Variants in PCDHGA6 observed in about 807,000 individuals in gnomAD.
PCDHGA6 encodes protocadherin gamma-A6.
PCDHGA6 carries 41 observed loss-of-function variants against 60.6 expected under a neutral mutation model. The ratio of observed to expected loss-of-function variants is 0.68; its 90% CI spans 0.53 to 0.88. PCDHGA6 has a LOEUF of 0.88. PCDHGA6 is among the 40% of genes least tolerant of loss of function. The probability of loss-of-function intolerance (pLI) is 0.00; values close to 1 mark genes in which losing one functional copy is unlikely to be tolerated. For missense variants in PCDHGA6, 1,312 were observed against 1,203.0 expected, an observed-to-expected ratio of 1.09 and a Z score of -1.34; for synonymous variants, 594 against 524.4, an observed-to-expected ratio of 1.13 and a Z score of -1.81.
At chr5:141,503,023 A>AAT (rs2099817696) in intron 2 of PCDHGA6, among the ~76,000 whole-genome samples, 1 of 141,888 alleles carries the variant, frequency 7.0e-6, no homozygotes, top group African/African-American at 2.6e-5. Context: ...TTTTTTTTTT[A>AAT]ATATCTATTT....
intron 1 of PCDHGA6, among the ~76,000 whole-genome samples, chr5:141,465,335 T>C (rs1222292569): frequency 6.6e-6 from 1 of 152,186 alleles, no homozygotes; most frequent in African/African-American, 2.4e-5. Context: ...ATTTTTTATA[T>C]TGGTTACTGA....
chr5:141,398,732 G>A (rs747131946), intron 1 of PCDHGA6: 4 of 1,613,778 alleles, frequency 2.5e-6, no homozygotes, highest in Admixed American at 1.7e-5. Flanking sequence ...ACCTTAGACC[G>A]GGAACAACAG....
intron 1 of PCDHGA6, chr5:141,413,826 C>G (rs1363449): frequency 6.2e-7 from 1 of 1,613,180 alleles, no homozygotes; most frequent in Non-Finnish European, 8.5e-7. Flanking sequence ...TGGTCCTCAC[C>G]GCCTCCGACG....
chr5:141,393,815 C>T (rs2092850609), intron 1 of PCDHGA6: 1 of 1,613,922 alleles, frequency 6.2e-7, no homozygotes, highest in Non-Finnish European at 8.5e-7. Context: ...CCAAATTGCT[C>T]ATTTCGGTGG....
At chr5:141,397,027 G>A (rs1374788251) in intron 1 of PCDHGA6, among the ~76,000 whole-genome samples, 1 of 152,200 alleles carries the variant, frequency 6.6e-6, no homozygotes, top group Non-Finnish European at 1.5e-5. Flanking sequence ...GTTGACCAAT[G>A]TCCACAAATT....
chr5:141,439,131 T>A (rs2098090046), intron 1 of PCDHGA6, among the ~76,000 whole-genome samples: 1 of 150,502 alleles, frequency 6.6e-6, no homozygotes, highest in Non-Finnish European at 1.5e-5. Flanking sequence ...AGACAGAGGT[T>A]GCAGTGAGCT....
At chr5:141,495,269 CGGAGGAGGCG>C (rs2099759953) in intron 2 of PCDHGA6, among the ~76,000 whole-genome samples, 1 of 152,180 alleles carries the variant, frequency 6.6e-6, no homozygotes, top group Non-Finnish European at 1.5e-5. Context: ...AGCATTTGAC[CGGAGGAGGCG>C]GTCCGCACTC....
chr5:141,438,288 G>C (rs752722248), intron 1 of PCDHGA6, among the ~76,000 whole-genome samples: 18 of 151,902 alleles, frequency 1.2e-4, no homozygotes, highest in Non-Finnish European at 2.1e-4. Flanking sequence ...AATTTAATCT[G>C]TATGTAAAAG....
chr5:141,384,705 C>T lies in PCDHGA6; in HGVS notation c.2424+8198C>T, dbSNP rs761874903. ...TGGACAAAGATTCAGGCCAGAACGC[C>T]TGGCTGTCATACCTCCTGCTTAAGG... On this transcript the variant is annotated intron_variant, in intron 1 of 3. Coordinates refer to ENST00000517434, the MANE Select transcript of PCDHGA6 (RefSeq NM_018919.3). 19 of 1,614,140 alleles carry T rather than the reference C, an allele frequency of 1.2e-5. No individual in the cohort carries two copies. The South Asian group carries it at 1.8e-4, about 15-fold the overall frequency.
rs571977774 is a variant in PCDHGA6 at position 141,375,523 on chromosome 5, C to G, written c.1440C>G (p.Asp480Glu). ...TCTCTGTGAATGCACTGGACCCTGA[C>G]GTGGACCAGAACGCCCAAGTCTCCT... ...SIFSVNALDP[D>E]VDQNAQVSYS... The change falls in exon 1 of 4, where the codon GAC (aspartate) becomes GAG (glutamate). Residue 480 changes from aspartate (D) to glutamate (E), a missense_variant. Coordinates refer to ENST00000517434, the MANE Select transcript of PCDHGA6 (RefSeq NM_018919.3). The G allele has an allele frequency of 1.6e-4, 253 of 1,614,032 alleles. 3 individuals are homozygous for G. The Admixed American group carries it at 4.2e-3, about 27-fold the overall frequency.
chr5:141,383,196 T>G, intron 1 of PCDHGA6: 3 of 1,613,866 alleles, frequency 1.9e-6, no homozygotes, highest in Non-Finnish European at 2.5e-6. Flanking sequence ...GCGCTCAGAG[T>G]GCGCGGTGTC....
intron 1 of PCDHGA6, chr5:141,419,669 C>T: frequency 6.2e-7 from 1 of 1,612,840 alleles, no homozygotes; most frequent in Non-Finnish European, 8.5e-7. Context: ...CAATGCCTGG[C>T]TGTCCTACCA....
chr5:141,466,822 G>A (rs1396286898), intron 1 of PCDHGA6, among the ~76,000 whole-genome samples: 4 of 152,046 alleles, frequency 2.6e-5, no homozygotes. Flanking sequence ...GGTATAACAA[G>A]TTAGTATGGG....
chr5:141,405,407 C>CT lies in PCDHGA6; in HGVS notation c.2424+28907dup, dbSNP rs762612492. 13 of 1,582,050 alleles carry CT rather than the reference C, an allele frequency of 8.2e-6. No individual in the cohort carries two copies. In the East Asian group the frequency reaches 1.6e-4, roughly 19 times the overall value. On this transcript the variant is annotated intron_variant, in intron 1 of 3. Transcript: ENST00000517434. Reference sequence around the variant, plus strand: ...TTCATTTTTTTTCTTTCTTTCTTTTCTTTTTTTGTTTTTTGTTTTGTTTTG... The same window carrying CT: ...TTCATTTTTTTTCTTTCTTTCTTTTCTTTTTTTTGTTTTTTGTTTTGTTTTG...
At position 141,511,481 on chromosome 5, in the gene PCDHGA6, ACTC is replaced by A. The variant is rs2154594681; in HGVS notation, c.*313_*315del. On this transcript the variant is annotated 3_prime_UTR_variant, in exon 4 of 4. Coordinates refer to ENST00000517434, the MANE Select transcript of PCDHGA6 (RefSeq NM_018919.3). ...CCACACCCCGTTTAGTTACAGCTGAACTCCTCCATCTTCCAAATCAATCAGGCC... is the reference window on the plus strand; with the variant it reads ...CCACACCCCGTTTAGTTACAGCTGAACTCCATCTTCCAAATCAATCAGGCC... 2 of 464,080 alleles carry A rather than the reference ACTC, an allele frequency of 4.3e-6. No individual in the cohort carries two copies. The highest frequency in any genetic ancestry group is 7.7e-6 in the Non-Finnish European group (2 of 260,856). The allele number at this position is 464,080 out of a possible 1,614,324, so 28.7% of individuals were successfully genotyped here.
At chr5:141,423,549 C>T (rs748764057) in intron 1 of PCDHGA6, 113 of 1,613,568 alleles carry the variant, frequency 7.0e-5, no homozygotes, top group Non-Finnish European at 8.7e-5. Flanking sequence ...TCCCCCAGCC[C>T]AACTATGGGG....
At chr5:141,433,123 C>T (rs575738328) in intron 1 of PCDHGA6, 5 of 1,614,116 alleles carry the variant, frequency 3.1e-6, no homozygotes, top group African/African-American at 2.7e-5. Context: ...TTGAAAAAAG[C>T]GAGCCCCTTT....
intron 1 of PCDHGA6, among the ~76,000 whole-genome samples, chr5:141,439,380 G>C (rs1324859898): frequency 6.6e-6 from 1 of 152,158 alleles, no homozygotes; most frequent in East Asian, 1.9e-4. Flanking sequence ...ATAAAAATAA[G>C]TCATCACTTC....
chr5:141,382,720 T>C (rs894143659), intron 1 of PCDHGA6: 7 of 480,002 alleles, frequency 1.5e-5, no homozygotes, highest in African/African-American at 1.4e-4. Flanking sequence ...AACCACCGAG[T>C]TTTACAGCAC....
Sources: allele counts gnomAD v4.1 joint callset (sites outside exome capture counted in the v4.1 genomes callset), GRCh38; gene constraint gnomAD v4.1.1; transcripts MANE v1.5; gene names NCBI Gene and HGNC (gene_info 2026-07-23, HGNC 2026-07-21).